PAX2: variants seen among roughly 807,000 people sequenced by gnomAD.
PAX2 encodes the protein paired box protein Pax-2.
A neutral mutation model predicts 41.7 loss-of-function variants in PAX2; 9 were observed. The ratio of observed to expected loss-of-function variants is 0.22; its 90% confidence interval spans 0.13 to 0.38. The LOEUF is 0.38. Ranked by LOEUF, PAX2 falls within the 10% of genes least tolerant of loss-of-function variation. The probability of loss-of-function intolerance (pLI) is 1.00; values close to 1 mark genes in which losing one functional copy is unlikely to be tolerated. For missense variants in PAX2, 418 were observed against 531.6 expected (o/e 0.79, Z 2.10); for synonymous variants, 221 against 212.7 (o/e 1.04, Z -0.34).
chr10:100,775,672 T>C (rs1000859561), intron 3 of PAX2, among the ~76,000 whole-genome samples: 3 of 152,184 alleles, frequency 2.0e-5, no homozygotes, highest in African/African-American at 7.2e-5. Flanking sequence ...GCCCCACCCC[T>C]GGGGTTCCCT....
Position 100,828,678 on chromosome 10 carries a change from G to A in PAX2, c.*1059G>A. ...TGCCGGTGGTAAGAACCGGTTCTGA[G>A]CTGGCGTCTGAGCTGCTGCGGGGTG... On this transcript the variant is annotated 3_prime_UTR_variant, in exon 10 of 10. Transcript: ENST00000355243. This position sits in a 1 kb window ranked among gnomAD's most constrained non-coding sequence, Gnocchi z 6.5. 1 of 233,514 alleles carries A rather than the reference G, an allele frequency of 4.3e-6. No homozygotes were observed. The allele number at this position is 233,514 out of a possible 1,614,324, so 14.5% of individuals were successfully genotyped here. A position where few individuals can be genotyped will look rare whatever the true frequency, so the allele number is the denominator to read the frequency against.
chr10:100,735,670 G>A (rs1284630029), exon 1 of PAX2: 8 of 1,059,558 alleles, frequency 7.6e-6, no homozygotes, highest in Non-Finnish European at 1.1e-6. Flanking sequence ...GGGACAGCCA[G>A]ACCCAGCCCC....
intron 3 of PAX2, among the ~76,000 whole-genome samples, chr10:100,757,352 C>T: frequency 6.6e-6 from 1 of 152,238 alleles, no homozygotes; most frequent in Non-Finnish European, 1.5e-5. Flanking sequence ...AGCAATAAGG[C>T]TAGGCTGAAG....
Position 100,748,515 on chromosome 10 carries a change from G to A in PAX2, c.44-1231G>A. 1 of 985,336 alleles carries A rather than the reference G, an allele frequency of 1.0e-6. No individual in the cohort carries two copies. The highest frequency in any genetic ancestry group is 4.7e-5 in the South Asian group (1 of 21,274). The allele number at this position is 985,336 out of a possible 1,614,324, so 61.0% of individuals were successfully genotyped here. Reference sequence around the variant, plus strand: ...GCGTGAGGCTAGCGGGGCAGGGGCTGCAGCTTGCCAGTCCGGGCCGACCCG... The same window carrying A: ...GCGTGAGGCTAGCGGGGCAGGGGCTACAGCTTGCCAGTCCGGGCCGACCCG... On this transcript the variant is annotated intron_variant, in intron 1 of 9. Coordinates refer to ENST00000355243, the MANE Select transcript of PAX2 (RefSeq NM_000278.5). The surrounding 1 kb of genome is among the most constrained non-coding windows in gnomAD (Gnocchi z 5.0).
upstream of PAX2, among the ~76,000 whole-genome samples, chr10:100,743,211 A>T (rs1845031374): frequency 6.6e-6 from 1 of 152,170 alleles, no homozygotes; most frequent in African/African-American, 2.4e-5. Flanking sequence ...TGGGACTATC[A>T]GAAGGGTCTT....
At chr10:100,823,955 T>C (rs965242333) in intron 7 of PAX2, among the ~76,000 whole-genome samples, 1 of 152,202 alleles carries the variant, frequency 6.6e-6, no homozygotes, top group African/African-American at 2.4e-5. Flanking sequence ...ATTTTGCTCA[T>C]TGGAACTTTA....
At chr10:100,742,624 G>A (rs1335794614), upstream of PAX2, among the ~76,000 whole-genome samples, 6 of 152,106 alleles carry the variant, frequency 3.9e-5, no homozygotes, top group Non-Finnish European at 2.9e-5. Flanking sequence ...AAGTTTATTT[G>A]CCTTTAAATT....
chr10:100,827,566 G>GC lies in PAX2; in HGVS notation c.1138dup (p.Arg380ProfsTer13), dbSNP rs750453189. ...AGGTTCCCCTTATTATTATAGTGCC[G>GC]CCCCCCGGGGCTCCGCCCCTGCCGC... On this transcript the variant is annotated frameshift_variant, in exon 10 of 10. Transcript: ENST00000355243. LOFTEE classifies it high-confidence loss of function. This position sits in a 1 kb window ranked among gnomAD's most constrained non-coding sequence, Gnocchi z 8.5. 2 of 1,613,434 alleles carry GC rather than the reference G, an allele frequency of 1.2e-6. No individual in the cohort carries two copies. The highest frequency in any genetic ancestry group is 1.7e-5 in the Admixed American group (1 of 60,012).
intron 3 of PAX2, among the ~76,000 whole-genome samples, chr10:100,754,586 C>T (rs1013264274): frequency 4.6e-5 from 7 of 152,200 alleles, no homozygotes; most frequent in Non-Finnish European, 1.0e-4. Context: ...GGGTGTCCCT[C>T]TTCTGTCATT....
chr10:100,739,974 T>C (rs1010095471), intron 1 of PAX2, among the ~76,000 whole-genome samples: 7 of 152,198 alleles, frequency 4.6e-5, no homozygotes, highest in South Asian at 4.1e-4. Flanking sequence ...CAGAGACAGG[T>C]GGTGGCTTCT....
intron 6 of PAX2, 47 bp from the exon 7 acceptor site, chr10:100,809,063 C>G: frequency 6.3e-7 from 1 of 1,599,204 alleles, no homozygotes; most frequent in Non-Finnish European, 8.6e-7. Context: ...AGCCCTTTCT[C>G]TGTGCGTGCA....
chr10:100,739,886 G>C (rs368647082), intron 1 of PAX2, among the ~76,000 whole-genome samples: 1 of 152,200 alleles, frequency 6.6e-6, no homozygotes, highest in Non-Finnish European at 1.5e-5. Context: ...TCTCTCGCCC[G>C]GCCTAGGGGA....
At chr10:100,767,926 G>T (rs1441058499) in intron 3 of PAX2, among the ~76,000 whole-genome samples, 1 of 152,116 alleles carries the variant, frequency 6.6e-6, no homozygotes, top group Non-Finnish European at 1.5e-5. Context: ...ACAAGTTGGA[G>T]TTTATAAAAT....
intron 1 of PAX2, chr10:100,749,403 T>G: frequency 3.6e-6 from 4 of 1,119,766 alleles, no homozygotes; most frequent in Middle Eastern, 3.8e-4. Flanking sequence ...TCTCCTCGCT[T>G]TCTTACGCCC....
chr10:100,764,733 G>A (rs961847079), intron 3 of PAX2, among the ~76,000 whole-genome samples: 48 of 152,228 alleles, frequency 3.2e-4, no homozygotes, highest in African/African-American at 1.1e-3. Flanking sequence ...TCTCTTGGAA[G>A]CCTGCTATTG....
intron 3 of PAX2, among the ~76,000 whole-genome samples, chr10:100,777,843 T>G (rs1473705572): frequency 6.6e-6 from 1 of 152,240 alleles, no homozygotes; most frequent in East Asian, 1.9e-4. Flanking sequence ...TATTGGCACA[T>G]AGTAGATGTT....
upstream of PAX2, among the ~76,000 whole-genome samples, chr10:100,741,594 T>C (rs1844960413): frequency 6.6e-6 from 1 of 152,092 alleles, no homozygotes; most frequent in Non-Finnish European, 1.5e-5. Context: ...GTATGCGCCC[T>C]GGGGTGCGCC....
intron 7 of PAX2, among the ~76,000 whole-genome samples, chr10:100,812,373 C>T (rs570235960): frequency 7.9e-5 from 12 of 152,332 alleles, no homozygotes; most frequent in Middle Eastern, 3.4e-3. Flanking sequence ...TGGTCTGGAA[C>T]GGAGCCTCGT....
At chr10:100,766,595 G>T (rs972819586) in intron 3 of PAX2, among the ~76,000 whole-genome samples, 5 of 152,186 alleles carry the variant, frequency 3.3e-5, no homozygotes, top group African/African-American at 2.4e-5. Context: ...TTCTCGTTTG[G>T]TAAAGTCGTA....
Sources: gnomAD v4.1 joint callset for allele counts (sites outside exome capture counted in the v4.1 genomes callset) on GRCh38, gnomAD v4.1.1 for gene constraint, Gnocchi (gnomAD v3.1) non-coding constraint, MANE v1.5 for transcripts, NCBI Gene and HGNC (gene_info 2026-07-23, HGNC 2026-07-21) for gene names.